Variants in SOX6 observed in about 807,000 individuals in gnomAD.
SOX6 encodes the protein transcription factor SOX-6.
A neutral mutation model predicts 97.8 loss-of-function variants in SOX6; 11 were observed. The observed-to-expected ratio is 0.11, with a 90% CI of 0.07 to 0.19. SOX6 has a LOEUF of 0.19. Ranked by LOEUF, SOX6 falls within the 10% of genes least tolerant of loss-of-function variation. SOX6 has a pLI of 1.00. For synonymous variants in SOX6, 360 were observed against 371.4 expected (o/e 0.97, Z 0.35); for missense variants, 810 against 1,039.5 (o/e 0.78, Z 3.04).
intron 3 of SOX6, among the ~76,000 whole-genome samples, chr11:16,266,793 A>G (rs1042769716): frequency 6.6e-6 from 1 of 151,610 alleles, no homozygotes; most frequent in Non-Finnish European, 1.5e-5. Flanking sequence ...CATAGCTAAT[A>G]AACCAGCAAA....
chr11:16,590,225 T>C (rs931696634), intron 4 of SOX6, among the ~76,000 whole-genome samples: 10 of 152,202 alleles, frequency 6.6e-5, no homozygotes, highest in Non-Finnish European at 1.3e-4. Context: ...GCTTTTCAGA[T>C]GAATGAATGT....
chr11:16,733,092 A>C (rs1334598036), intron 2 of SOX6, among the ~76,000 whole-genome samples: 1 of 152,180 alleles, frequency 6.6e-6, no homozygotes, highest in Non-Finnish European at 1.5e-5. Context: ...TGCTGGATAG[A>C]ATGTGGAGAA....
At chr11:16,372,797 G>C (rs537649473) in intron 1 of SOX6, among the ~76,000 whole-genome samples, 1 of 152,182 alleles carries the variant, frequency 6.6e-6, no homozygotes, top group South Asian at 2.1e-4. Context: ...AGCTGGACAC[G>C]TGGATGGAAC....
intron 1 of SOX6, among the ~76,000 whole-genome samples, chr11:16,465,459 G>GA (rs1454968454): frequency 1.3e-5 from 2 of 151,666 alleles, no homozygotes; most frequent in African/African-American, 4.8e-5. Flanking sequence ...TATAATAATG[G>GA]AAAAAAATAC....
chr11:16,666,945 ATAT>A (rs2134022134), intron 3 of SOX6, among the ~76,000 whole-genome samples: 1 of 152,306 alleles, frequency 6.6e-6, no homozygotes, highest in East Asian at 1.9e-4. Flanking sequence ...TTTATTCAAA[ATAT>A]AATAACACCT....
chr11:16,104,867 C>T (rs1250724936), intron 7 of SOX6, among the ~76,000 whole-genome samples: 1 of 151,862 alleles, frequency 6.6e-6, no homozygotes, highest in African/African-American at 2.4e-5. Flanking sequence ...TCAACAGACC[C>T]ATAACAAGTA....
chr11:16,489,622 A>G (rs753536353), intron 4 of SOX6, among the ~76,000 whole-genome samples: 3 of 152,134 alleles, frequency 2.0e-5, no homozygotes, highest in Non-Finnish European at 4.4e-5. Flanking sequence ...CAATTTCCTT[A>G]TCTATAAAAT....
intron 3 of SOX6, among the ~76,000 whole-genome samples, chr11:16,670,847 G>C (rs1847843206): frequency 6.6e-6 from 1 of 151,232 alleles, no homozygotes; most frequent in Non-Finnish European, 1.5e-5. Context: ...CAGCCCAGGA[G>C]TGCAAAGCCA....
intron 2 of SOX6, among the ~76,000 whole-genome samples, chr11:16,731,114 C>T (rs1332656907): frequency 6.6e-6 from 1 of 152,072 alleles, no homozygotes; most frequent in Non-Finnish European, 1.5e-5. Flanking sequence ...TAATAGCCTA[C>T]CAACAAAAAG....
intron 4 of SOX6, among the ~76,000 whole-genome samples, chr11:16,191,088 C>G (rs1590014094): frequency 6.6e-6 from 1 of 152,088 alleles, no homozygotes; most frequent in African/African-American, 2.4e-5. Flanking sequence ...AAAGGAGCAA[C>G]CAAAATATAG....
intron 4 of SOX6, among the ~76,000 whole-genome samples, chr11:16,530,448 TC>T (rs1861223716): frequency 6.6e-6 from 1 of 152,056 alleles, no homozygotes; most frequent in Non-Finnish European, 1.5e-5. Context: ...GGAAGACTCT[TC>T]AATGATACAG....
At chr11:16,438,452 T>A (rs1389482740) in intron 1 of SOX6, among the ~76,000 whole-genome samples, 1 of 152,168 alleles carries the variant, frequency 6.6e-6, no homozygotes, top group Non-Finnish European at 1.5e-5. Flanking sequence ...ATGTTTGTAG[T>A]TTCTTTCCTA....
At chr11:16,504,400 A>T (rs1860752884) in intron 4 of SOX6, among the ~76,000 whole-genome samples, 1 of 152,202 alleles carries the variant, frequency 6.6e-6, no homozygotes, top group African/African-American at 2.4e-5. Context: ...AAGTTTCAGG[A>T]TACAAAATAC....
intron 4 of SOX6, among the ~76,000 whole-genome samples, chr11:16,513,675 G>A (rs937521206): frequency 6.6e-6 from 1 of 151,982 alleles, no homozygotes; most frequent in Non-Finnish European, 1.5e-5. Flanking sequence ...AACGATGTAA[G>A]GGGAAGAATC....
intron 13 of SOX6, among the ~76,000 whole-genome samples, chr11:16,006,190 A>T (rs962517894): frequency 1.3e-5 from 2 of 152,078 alleles, no homozygotes; most frequent in Non-Finnish European, 2.9e-5. Flanking sequence ...TCCTCTCTGA[A>T]ATAATATTAA....
intron 3 of SOX6, among the ~76,000 whole-genome samples, chr11:16,260,170 T>C (rs1392473520): frequency 6.6e-6 from 1 of 151,940 alleles, no homozygotes; most frequent in Non-Finnish European, 1.5e-5. Context: ...TGGCTAATTT[T>C]TTGTATTTTT....
intron 1 of SOX6, among the ~76,000 whole-genome samples, chr11:16,423,688 C>T (rs1386745985): frequency 2.0e-5 from 3 of 152,036 alleles, no homozygotes; most frequent in Non-Finnish European, 4.4e-5. Flanking sequence ...TTTGAAGTGA[C>T]AATGAGACAT....
intron 6 of SOX6, among the ~76,000 whole-genome samples, chr11:16,128,372 T>G (rs1849658615): frequency 6.6e-6 from 1 of 152,230 alleles, no homozygotes; most frequent in Non-Finnish European, 1.5e-5. Context: ...AATATTCATG[T>G]ATTTAGCTAG....
Position 16,672,329 on chromosome 11 carries a change from C to T in SOX6, n.429+42501G>A, listed in dbSNP as rs144802354. Among the ~76,000 whole-genome samples the T allele has an allele frequency of 7.7e-3, 1,170 of 152,278 alleles. 14 individuals are homozygous for T. The highest frequency in any genetic ancestry group is 0.027 in the African/African-American group (1,116 of 41,558). ...ACCTAAAATGCAAATTGGCTAAACGCCCCATTTAAAAGGCCCAGAGTGGAA... is the reference window on the plus strand; with the variant it reads ...ACCTAAAATGCAAATTGGCTAAACGTCCCATTTAAAAGGCCCAGAGTGGAA... On this transcript the variant is annotated intron_variant and non_coding_transcript_variant, in intron 3 of 5. Coordinates refer to the SOX6 transcript ENST00000524520.
Sources: allele counts gnomAD v4.1 joint callset (sites outside exome capture counted in the v4.1 genomes callset), GRCh38; gene constraint gnomAD v4.1.1; transcripts MANE v1.5; gene names NCBI Gene and HGNC (gene_info 2026-07-23, HGNC 2026-07-21).